Variants in RCAN2 observed in about 807,000 individuals in gnomAD.
The protein encoded by RCAN2 is calcipressin-2.
A neutral mutation model predicts 23.6 loss-of-function variants in RCAN2; 9 were observed. The observed-to-expected ratio is 0.38, with a 90% CI of 0.23 to 0.67. The LOEUF is 0.67. Ranked by LOEUF, RCAN2 falls within the 30% of genes least tolerant of loss-of-function variation. RCAN2 has a pLI of 0.51. For missense variants in RCAN2, 273 were observed against 302.3 expected (o/e 0.90, Z 0.72); for synonymous variants, 109 against 115.7 (o/e 0.94, Z 0.37).
At chr6:46,247,150 A>C (rs980219226) in intron 3 of RCAN2, among the ~76,000 whole-genome samples, 1 of 152,150 alleles carries the variant, frequency 6.6e-6, no homozygotes, top group Non-Finnish European at 1.5e-5. Context: ...GTCCTTACTA[A>C]AACACAGATT....
intron 2 of RCAN2, among the ~76,000 whole-genome samples, chr6:46,343,383 T>TC (rs1019772307): frequency 3.5e-5 from 5 of 144,788 alleles, no homozygotes; most frequent in African/African-American, 1.4e-4. Flanking sequence ...CAATTTTTTT[T>TC]TTTTTTTTTT....
At chr6:46,386,580 C>G (rs1765758786) in intron 2 of RCAN2, among the ~76,000 whole-genome samples, 1 of 144,992 alleles carries the variant, frequency 6.9e-6, no homozygotes, top group Non-Finnish European at 1.5e-5. Context: ...TGTACCCCAG[C>G]CTGGGTGACA....
At chr6:46,458,813 G>A (rs2150434053) in intron 1 of RCAN2, among the ~76,000 whole-genome samples, 1 of 152,252 alleles carries the variant, frequency 6.6e-6, no homozygotes. Flanking sequence ...AGTATCAATT[G>A]TTTTAATAGT....
intron 2 of RCAN2, among the ~76,000 whole-genome samples, chr6:46,280,909 T>G (rs188687999): frequency 6.6e-6 from 1 of 152,282 alleles, no homozygotes; most frequent in Non-Finnish European, 1.5e-5. Flanking sequence ...GTGGCTATTT[T>G]ACTGAGGAAC....
chr6:46,456,958 A>T lies in RCAN2; in HGVS notation c.19T>A (p.Phe7Ile). 6.4e-7 allele frequency: 1 copy of T among 1,550,602 alleles called. No individual in the cohort carries two copies. The highest frequency in any genetic ancestry group is 8.7e-7 in the Non-Finnish European group (1 of 1,146,734). The change falls in exon 2 of 5, where the codon TTC becomes ATC. Residue 7 changes from phenylalanine (F) to isoleucine (I), a missense_variant. Phe to Ile is a conservative substitution (Grantham distance 21). Coordinates refer to ENST00000371374, the MANE Select transcript of RCAN2 (RefSeq NM_001251974.2). ...TGCCCTGGGCTCCTCATTCCGATGA[A>T]GTATGATTCTCCCCTCATTCCTGGG... Reference protein sequence around the residue: MRGESYFIGMRSPGQQG... With the variant: MRGESYIIGMRSPGQQG...
chr6:46,452,691 T>C (rs1403528675), intron 2 of RCAN2, among the ~76,000 whole-genome samples: 2 of 151,982 alleles, frequency 1.3e-5, no homozygotes, highest in Non-Finnish European at 2.9e-5. Flanking sequence ...CCTCATAGGG[T>C]TGTCATGACA....
intron 2 of RCAN2, among the ~76,000 whole-genome samples, chr6:46,403,590 AT>A (rs1026687674): frequency 1.3e-5 from 2 of 151,130 alleles, no homozygotes; most frequent in African/African-American, 4.9e-5. Flanking sequence ...AAAAAAAAAA[AT>A]TCTGCAAGCC....
intron 2 of RCAN2, among the ~76,000 whole-genome samples, chr6:46,413,302 G>C (rs567841743): frequency 1.4e-4 from 22 of 152,214 alleles, no homozygotes; most frequent in Non-Finnish European, 1.8e-4. Flanking sequence ...TTAAAGGACA[G>C]ATTACATCCT....
chr6:46,352,102 TC>T (rs1289265524), intron 2 of RCAN2, among the ~76,000 whole-genome samples: 1 of 152,182 alleles, frequency 6.6e-6, no homozygotes, highest in Non-Finnish European at 1.5e-5. Context: ...ATTAAGGTAT[TC>T]CCCAGTGGGC....
chr6:46,320,925 G>A (rs1398286529), intron 2 of RCAN2, among the ~76,000 whole-genome samples: 1 of 152,166 alleles, frequency 6.6e-6, no homozygotes, highest in Non-Finnish European at 1.5e-5. Context: ...GCTTGAGACA[G>A]TGACCGTCTC....
chr6:46,473,243 A>G (rs1267549759), intron 1 of RCAN2, among the ~76,000 whole-genome samples: 9 of 152,174 alleles, frequency 5.9e-5, no homozygotes, highest in Admixed American at 5.9e-4. Context: ...TTTGCCACAT[A>G]CAATATCTTA....
intron 2 of RCAN2, among the ~76,000 whole-genome samples, chr6:46,338,651 T>C (rs963725914): frequency 6.6e-6 from 1 of 152,180 alleles, no homozygotes; most frequent in African/African-American, 2.4e-5. Context: ...TACCACCAGA[T>C]TTGGCTTTGT....
intron 4 of RCAN2, among the ~76,000 whole-genome samples, chr6:46,238,176 G>C (rs1428688951): frequency 6.6e-6 from 1 of 152,174 alleles, no homozygotes; most frequent in African/African-American, 2.4e-5. Context: ...AAAAGTGTGT[G>C]TGTGTCTGGG....
chr6:46,306,274 A>G (rs1490481077), intron 2 of RCAN2, among the ~76,000 whole-genome samples: 1 of 152,108 alleles, frequency 6.6e-6, no homozygotes, highest in African/African-American at 2.4e-5. Flanking sequence ...TGGCCTGTTC[A>G]GTACATTTCT....
At chr6:46,467,117 A>C (rs1054898489) in intron 1 of RCAN2, among the ~76,000 whole-genome samples, 1 of 152,122 alleles carries the variant, frequency 6.6e-6, no homozygotes, top group Non-Finnish European at 1.5e-5. Flanking sequence ...CTCTCTTTGC[A>C]CTAACTTATT....
intron 4 of RCAN2, among the ~76,000 whole-genome samples, chr6:46,236,184 C>G (rs1293574952): frequency 1.3e-5 from 2 of 152,322 alleles, no homozygotes; most frequent in East Asian, 3.9e-4. Flanking sequence ...TTGCAAAGAG[C>G]TTTTCCTCAG....
At chr6:46,310,304 A>C (rs1435831441) in intron 2 of RCAN2, among the ~76,000 whole-genome samples, 1 of 152,158 alleles carries the variant, frequency 6.6e-6, no homozygotes, top group Non-Finnish European at 1.5e-5. Flanking sequence ...TGAAGCATTC[A>C]GATGGTATTA....
intron 2 of RCAN2, among the ~76,000 whole-genome samples, chr6:46,371,198 C>A (rs1001782458): frequency 1.3e-5 from 2 of 152,120 alleles, no homozygotes; most frequent in Admixed American, 6.5e-5. Flanking sequence ...CCTTTCCCCC[C>A]AGATTTACCA....
intron 2 of RCAN2, among the ~76,000 whole-genome samples, chr6:46,368,255 T>C (rs1203056617): frequency 6.6e-6 from 1 of 152,214 alleles, no homozygotes; most frequent in Non-Finnish European, 1.5e-5. Flanking sequence ...CCTATTGTGT[T>C]TCAGTTTTAA....
Sources: allele counts gnomAD v4.1 joint callset (sites outside exome capture counted in the v4.1 genomes callset), GRCh38; gene constraint gnomAD v4.1.1; transcripts MANE v1.5; gene names NCBI Gene and HGNC (gene_info 2026-07-23, HGNC 2026-07-21).